PPFIA2: variants seen among roughly 807,000 people sequenced by gnomAD.
The protein encoded by PPFIA2 is PPFI scaffold protein A2.
Under a neutral mutation model 175.5 loss-of-function variants are expected in PPFIA2, and 46 were observed. The ratio of observed to expected loss-of-function variants is 0.26; its 90% CI spans 0.21 to 0.34. PPFIA2 has a LOEUF of 0.34. Ranked by LOEUF, PPFIA2 falls within the 10% of genes least tolerant of loss-of-function variation. The probability of loss-of-function intolerance (pLI) is 1.00; values close to 1 mark genes in which losing one functional copy is unlikely to be tolerated. For synonymous variants in PPFIA2, 568 were observed against 511.4 expected, an observed-to-expected ratio of 1.11 and a Z score of -1.49; for missense variants, 1,179 against 1,506.1, an observed-to-expected ratio of 0.78 and a Z score of 3.60.
At chr12:81,393,512 A>T (rs1052872044) in intron 8 of PPFIA2, among the ~76,000 whole-genome samples, 1 of 152,096 alleles carries the variant, frequency 6.6e-6, no homozygotes, top group Non-Finnish European at 1.5e-5. Context: ...CCTGACAAAA[A>T]GTGTCTCCTC....
At chr12:81,748,371 A>G (rs1440034432) in intron 3 of PPFIA2, among the ~76,000 whole-genome samples, 1 of 144,458 alleles carries the variant, frequency 6.9e-6, no homozygotes, top group African/African-American at 2.4e-5. Context: ...TTGCCATTTA[A>G]TTCTGTTCTG....
At chr12:81,562,826 G>A (rs1330311792) in intron 4 of PPFIA2, among the ~76,000 whole-genome samples, 4 of 108,148 alleles carry the variant, frequency 3.7e-5, no homozygotes, top group East Asian at 3.0e-4. Context: ...CAGCCTGGGC[G>A]ACAGAGCGAG....
intron 4 of PPFIA2, among the ~76,000 whole-genome samples, chr12:81,504,150 A>T (rs542785815): frequency 6.6e-6 from 1 of 152,048 alleles, no homozygotes; most frequent in African/African-American, 2.4e-5. Flanking sequence ...TCAATGCAAA[A>T]TTCTCTTCCT....
intron 4 of PPFIA2, among the ~76,000 whole-genome samples, chr12:81,659,409 C>T (rs73149305): frequency 0.044 from 6,709 of 152,294 alleles, 302 homozygotes; most frequent in East Asian, 0.25. Flanking sequence ...GAGATTATAT[C>T]CTTCACCTGG....
At chr12:81,385,735 G>C (rs2038786100) in intron 8 of PPFIA2, among the ~76,000 whole-genome samples, 1 of 152,078 alleles carries the variant, frequency 6.6e-6, no homozygotes, top group Non-Finnish European at 1.5e-5. Context: ...GTTAATGGGA[G>C]ATGTTAGTCA....
chr12:81,595,562 T>G (rs1452098570), intron 4 of PPFIA2, among the ~76,000 whole-genome samples: 1 of 152,106 alleles, frequency 6.6e-6, no homozygotes, highest in African/African-American at 2.4e-5. Context: ...ATAAAACTGA[T>G]GATTCACACA....
At chr12:81,323,599 T>C (rs976981000) in intron 22 of PPFIA2, among the ~76,000 whole-genome samples, 1 of 152,006 alleles carries the variant, frequency 6.6e-6, no homozygotes, top group African/African-American at 2.4e-5. Flanking sequence ...ATTGTTTAAA[T>C]GAAATTTTAA....
intron 4 of PPFIA2, among the ~76,000 whole-genome samples, chr12:81,659,898 AATATTCG>A (rs1049090680): frequency 2.2e-4 from 33 of 152,262 alleles, no homozygotes; most frequent in African/African-American, 7.0e-4. Context: ...GCTGTTCACC[AATATTCG>A]ATATTCTGCA....
chr12:81,647,614 A>G (rs565235884), intron 4 of PPFIA2, among the ~76,000 whole-genome samples: 2 of 151,350 alleles, frequency 1.3e-5, no homozygotes, highest in South Asian at 4.2e-4. Flanking sequence ...ACAAAAAATT[A>G]GCCGGGCGTG....
intron 3 of PPFIA2, among the ~76,000 whole-genome samples, chr12:81,710,073 T>C (rs1212565691): frequency 6.6e-6 from 1 of 152,054 alleles, no homozygotes; most frequent in East Asian, 1.9e-4. Context: ...GGAAAGTTTA[T>C]TTTTTGTTGA....
Position 81,353,103 on chromosome 12 carries a change from T to G in PPFIA2, c.1994+16A>C, listed in dbSNP as rs1474678631. 2 of 1,604,580 alleles carry G rather than the reference T, an allele frequency of 1.2e-6. No individual in the cohort carries two copies. Among genetic ancestry groups the G allele is most frequent in the Non-Finnish European group, 1.7e-6 (2 of 1,171,446 alleles). Reference sequence around the variant, plus strand: ...TCTTCTAATTTCTTGAAATCATCAGTACTAATTGAAGTTACCTGATTTCTT... The same window carrying G: ...TCTTCTAATTTCTTGAAATCATCAGGACTAATTGAAGTTACCTGATTTCTT... On this transcript the variant is annotated intron_variant, in intron 17 of 32. Transcript: ENST00000549396.
intron 21 of PPFIA2, among the ~76,000 whole-genome samples, chr12:81,338,830 A>T (rs1166881964): frequency 6.6e-6 from 1 of 152,106 alleles, no homozygotes; most frequent in Non-Finnish European, 1.5e-5. Flanking sequence ...TATCACAGTT[A>T]TGCGATTTAT....
intron 3 of PPFIA2, among the ~76,000 whole-genome samples, chr12:81,702,013 C>G (rs765336453): frequency 6.6e-6 from 1 of 151,586 alleles, no homozygotes; most frequent in Non-Finnish European, 1.5e-5. Flanking sequence ...CAACAGGAAG[C>G]TGAAGACTGG....
intron 3 of PPFIA2, among the ~76,000 whole-genome samples, chr12:81,739,657 A>G (rs1431896973): frequency 6.6e-6 from 1 of 152,034 alleles, no homozygotes; most frequent in Non-Finnish European, 1.5e-5. Context: ...AAGAATTAAT[A>G]AAAAATTTTG....
At chr12:81,299,195 A>T in intron 23 of PPFIA2, 106 bp downstream of exon 23, 1 of 1,410,716 alleles carries the variant, frequency 7.1e-7, no homozygotes, top group Non-Finnish European at 9.4e-7. Flanking sequence ...GAGCAATTCC[A>T]GACTAAGGGG....
At chr12:81,587,647 T>C (rs1200390713) in intron 4 of PPFIA2, among the ~76,000 whole-genome samples, 1 of 151,904 alleles carries the variant, frequency 6.6e-6, no homozygotes, top group Non-Finnish European at 1.5e-5. Flanking sequence ...TAAAAGTAAA[T>C]TTGGAAGTAG....
intron 4 of PPFIA2, among the ~76,000 whole-genome samples, chr12:81,558,857 T>A (rs539080533): frequency 1.1e-4 from 16 of 152,266 alleles, no homozygotes; most frequent in Admixed American, 1.0e-3. Context: ...CCATTCTATA[T>A]CACACAATGG....
chr12:81,341,196 C>G lies in PPFIA2; in HGVS notation c.2275G>C (p.Glu759Gln), dbSNP rs199604623. ...GCTTTGTCCTCTCGACCATCTTCTT[C>G]CACAACTGCAATCTAGAAGCAAAAA... ...RKHRRKIAVV[E>Q]EDGREDKATI... Residue 759 changes from glutamate (E) to glutamine (Q), a missense_variant, in exon 20 of 33, where the codon GAA becomes CAA. Glu to Gln is a conservative substitution (Grantham distance 29). Transcript: ENST00000549396. 169 of 1,611,250 alleles carry G rather than the reference C, an allele frequency of 1.0e-4. No homozygotes were observed. The highest frequency in any genetic ancestry group is 9.9e-5 in the Non-Finnish European group (117 of 1,178,284).
At chr12:81,437,293 G>C (rs370706954) in intron 7 of PPFIA2, among the ~76,000 whole-genome samples, 1 of 152,022 alleles carries the variant, frequency 6.6e-6, no homozygotes, top group Non-Finnish European at 1.5e-5. Flanking sequence ...GCAGTGGCGC[G>C]ATCTCGGCTC....
Sources: gnomAD v4.1 joint callset for allele counts (sites outside exome capture counted in the v4.1 genomes callset) on GRCh38, gnomAD v4.1.1 for gene constraint, MANE v1.5 for transcripts, NCBI Gene and HGNC (gene_info 2026-07-23, HGNC 2026-07-21) for gene names.